Variants in TRAPPC9 observed in about 807,000 individuals in gnomAD.
TRAPPC9 encodes IKK2 binding protein.
In TRAPPC9, 83 loss-of-function variants were observed where a neutral mutation model predicts 124.0. That is an observed-to-expected ratio of 0.67 (90% CI 0.56 to 0.80). The LOEUF (loss-of-function observed/expected upper bound fraction) is 0.80. Ranked by LOEUF, TRAPPC9 falls within the 30% of genes least tolerant of loss-of-function variation. The pLI is 0.00. For missense variants in TRAPPC9, 1,302 were observed against 1,508.3 expected, an observed-to-expected ratio of 0.86 and a Z score of 2.27; for synonymous variants, 638 against 617.5, an observed-to-expected ratio of 1.03 and a Z score of -0.49.
chr8:139,751,537 C>T (rs555038199), intron 21 of TRAPPC9, among the ~76,000 whole-genome samples: 3 of 152,248 alleles, frequency 2.0e-5, no homozygotes, highest in Admixed American at 2.0e-4. Flanking sequence ...AGTCATTGAC[C>T]TCAGCTTGGT....
intron 19 of TRAPPC9, among the ~76,000 whole-genome samples, chr8:139,954,748 G>A (rs892646216): frequency 5.9e-5 from 9 of 152,158 alleles, no homozygotes; most frequent in Admixed American, 3.9e-4. Flanking sequence ...AGGTGCTCAC[G>A]CCACTTGACA....
chr8:140,347,935 G>A (rs1239498856), intron 9 of TRAPPC9, among the ~76,000 whole-genome samples: 1 of 152,218 alleles, frequency 6.6e-6, no homozygotes, highest in Non-Finnish European at 1.5e-5. Flanking sequence ...AATGTTCAAT[G>A]GGTGTCTTTT....
intron 17 of TRAPPC9, among the ~76,000 whole-genome samples, chr8:140,076,265 A>G (rs885368): frequency 0.66 from 100,266 of 152,054 alleles, 33,184 homozygotes; most frequent in Middle Eastern, 0.73. Flanking sequence ...CCAAAATGGC[A>G]CCCCGGAGAG....
intron 17 of TRAPPC9, among the ~76,000 whole-genome samples, chr8:140,142,395 C>T (rs1447993740): frequency 6.6e-6 from 1 of 152,274 alleles, no homozygotes; most frequent in African/African-American, 2.4e-5. Context: ...ATGTGCTGGT[C>T]CAGATGCAAC....
chr8:140,011,427 T>C (rs534252456), intron 18 of TRAPPC9, among the ~76,000 whole-genome samples: 2 of 151,516 alleles, frequency 1.3e-5, no homozygotes, highest in African/African-American at 4.8e-5. Context: ...GTCAAATTTT[T>C]AATAATGGGT....
intron 21 of TRAPPC9, among the ~76,000 whole-genome samples, chr8:139,832,329 C>T (rs1377573163): frequency 1.3e-5 from 2 of 152,242 alleles, no homozygotes; most frequent in Admixed American, 6.5e-5. Context: ...TTTTAATACT[C>T]GAAATCTGAC....
intron 19 of TRAPPC9, among the ~76,000 whole-genome samples, chr8:139,912,605 A>G (rs1490691741): frequency 8.5e-5 from 13 of 152,190 alleles, no homozygotes; most frequent in Non-Finnish European, 2.9e-5. Flanking sequence ...CAGCATGGAC[A>G]GGCCTGTCTC....
intron 17 of TRAPPC9, among the ~76,000 whole-genome samples, chr8:140,093,177 A>G (rs1247911595): frequency 6.6e-6 from 1 of 152,138 alleles, no homozygotes; most frequent in Non-Finnish European, 1.5e-5. Context: ...CTTTTGTTCT[A>G]GTAGCTACCA....
chr8:140,303,214 G>A (rs535480867), intron 10 of TRAPPC9, among the ~76,000 whole-genome samples: 129 of 152,186 alleles, frequency 8.5e-4, no homozygotes, highest in Middle Eastern at 3.4e-3. Context: ...TCACGTAAAC[G>A]CCTTCATTAA....
At chr8:139,999,883 T>C (rs1211970533) in intron 18 of TRAPPC9, among the ~76,000 whole-genome samples, 1 of 152,172 alleles carries the variant, frequency 6.6e-6, no homozygotes, top group Non-Finnish European at 1.5e-5. Context: ...TAAAATATGA[T>C]ATATCAAAAT....
intron 21 of TRAPPC9, among the ~76,000 whole-genome samples, chr8:139,824,525 ACTTTAC>A (rs1394027769): frequency 6.6e-6 from 1 of 152,010 alleles, no homozygotes. Context: ...GATTTAATGG[ACTTTAC>A]CTTTATATTT....
chr8:139,779,179 A>G (rs1233226911), intron 21 of TRAPPC9, among the ~76,000 whole-genome samples: 1 of 152,154 alleles, frequency 6.6e-6, no homozygotes, highest in Non-Finnish European at 1.5e-5. Flanking sequence ...AATGTAAGAG[A>G]AGTGACAGGG....
intron 7 of TRAPPC9, among the ~76,000 whole-genome samples, chr8:140,381,972 A>G (rs2068623459): frequency 6.6e-6 from 1 of 152,256 alleles, no homozygotes; most frequent in South Asian, 2.1e-4. Flanking sequence ...GTGTTCCCAC[A>G]AACACTTGTA....
intron 9 of TRAPPC9, among the ~76,000 whole-genome samples, chr8:140,341,676 T>G: frequency 6.9e-6 from 1 of 144,146 alleles, no homozygotes; most frequent in African/African-American, 2.6e-5. Context: ...TATATACGCA[T>G]GGGAAAAAAA....
chr8:140,125,587 C>CTTTT (rs11292333), intron 17 of TRAPPC9, among the ~76,000 whole-genome samples: 1,393 of 67,804 alleles, frequency 0.021, 53 homozygotes, highest in Non-Finnish European at 0.026. Flanking sequence ...GAATCTCATT[C>CTTTT]TTTTTTTTTT....
At chr8:139,834,697 G>C (rs1350978998) in intron 21 of TRAPPC9, among the ~76,000 whole-genome samples, 1 of 152,232 alleles carries the variant, frequency 6.6e-6, no homozygotes, top group African/African-American at 2.4e-5. Flanking sequence ...GCCTGAACTT[G>C]GAGTCCTGCC....
intron 17 of TRAPPC9, among the ~76,000 whole-genome samples, chr8:140,028,481 C>G (rs778380326): frequency 2.6e-5 from 4 of 152,224 alleles, no homozygotes. Context: ...GAGAGCCCCA[C>G]AAGGGAAGTG....
At chr8:140,400,068 G>A (rs960193675) in intron 6 of TRAPPC9, among the ~76,000 whole-genome samples, 18 of 152,126 alleles carry the variant, frequency 1.2e-4, no homozygotes, top group African/African-American at 4.1e-4. Flanking sequence ...CATGTAAGAC[G>A]GGACTTACTC....
chr8:140,164,011 G>A (rs999287034), intron 17 of TRAPPC9, among the ~76,000 whole-genome samples: 2 of 152,186 alleles, frequency 1.3e-5, no homozygotes, highest in Admixed American at 6.5e-5. Flanking sequence ...AAGTTTAGAA[G>A]GAGTAAAATC....
Sources: allele counts gnomAD v4.1 joint callset (sites outside exome capture counted in the v4.1 genomes callset), GRCh38; gene constraint gnomAD v4.1.1; transcripts MANE v1.5; gene names NCBI Gene and HGNC (gene_info 2026-07-23, HGNC 2026-07-21).